AGBL4: variants seen among roughly 807,000 people sequenced by gnomAD.
The protein encoded by AGBL4 is AGBL carboxypeptidase 4.
AGBL4 carries 58 observed loss-of-function variants against 66.4 expected under a neutral mutation model. The ratio of observed to expected loss-of-function variants is 0.87; its 90% CI spans 0.71 to 1.09. AGBL4 has a LOEUF of 1.09. Ranked by LOEUF, AGBL4 falls within the 50% of genes least tolerant of loss-of-function variation. The pLI, the probability that AGBL4 is intolerant of heterozygous loss-of-function variation, is 0.00. For synonymous variants in AGBL4, 234 were observed against 222.9 expected, an observed-to-expected ratio of 1.05 and a Z score of -0.44; for missense variants, 579 against 631.0, an observed-to-expected ratio of 0.92 and a Z score of 0.88.
intron 3 of AGBL4, among the ~76,000 whole-genome samples, chr1:49,330,590 C>T (rs1645312211): frequency 6.6e-6 from 1 of 152,106 alleles, no homozygotes. Context: ...ATTAATTAAT[C>T]CTAATGTTCA....
chr1:49,735,723 A>G (rs1039294831), intron 2 of AGBL4, among the ~76,000 whole-genome samples: 12 of 152,110 alleles, frequency 7.9e-5, no homozygotes, highest in Admixed American at 1.3e-4. Flanking sequence ...CCTTGGGCAA[A>G]GTGTTTTAGC....
Position 49,306,740 on chromosome 1 carries a change from T to C in AGBL4, c.283-60876A>G, listed in dbSNP as rs1464938791. Among the ~76,000 whole-genome samples the C allele has an allele frequency of 4.6e-5, 7 of 152,334 alleles. No individual in the cohort carries two copies. In the East Asian group the frequency reaches 1.2e-3, roughly 25 times the overall value. Reference sequence around the variant, plus strand: ...ATGTGTGGGGATAGAGAAGAAATTATGGTAATTTCAATGACAGTGTTATTC... The same window carrying C: ...ATGTGTGGGGATAGAGAAGAAATTACGGTAATTTCAATGACAGTGTTATTC... On this transcript the variant is annotated intron_variant, in intron 3 of 13. Coordinates refer to ENST00000371839, the MANE Select transcript of AGBL4 (RefSeq NM_032785.4).
chr1:48,759,285 CTG>C (rs1427721320), intron 6 of AGBL4: 1 of 1,552,996 alleles, frequency 6.4e-7, no homozygotes, highest in Admixed American at 2.0e-5. Context: ...CCTCAGGTCT[CTG>C]TGTAGGACAA....
chr1:48,566,818 A>G (rs1234235385), intron 11 of AGBL4, among the ~76,000 whole-genome samples: 1 of 152,190 alleles, frequency 6.6e-6, no homozygotes. Context: ...CTGCCAGCCC[A>G]CGCTTGCAAA....
intron 10 of AGBL4, among the ~76,000 whole-genome samples, chr1:48,590,321 G>T (rs1436834838): frequency 6.7e-6 from 1 of 149,926 alleles, no homozygotes; most frequent in Non-Finnish European, 1.5e-5. Flanking sequence ...CAGGAGAATC[G>T]CTTGAACCTG....
At chr1:49,896,131 G>C (rs1329789468) in intron 1 of AGBL4, among the ~76,000 whole-genome samples, 1 of 151,982 alleles carries the variant, frequency 6.6e-6, no homozygotes. Context: ...TGTAAGACAA[G>C]ACAAAGAAAG....
intron 6 of AGBL4, among the ~76,000 whole-genome samples, chr1:48,704,947 C>G (rs1283642605): frequency 6.6e-6 from 1 of 152,174 alleles, no homozygotes; most frequent in Non-Finnish European, 1.5e-5. Flanking sequence ...ACCGGCAGCA[C>G]AGTAGCTCTA....
chr1:48,704,826 T>C (rs1352685137), intron 6 of AGBL4, among the ~76,000 whole-genome samples: 1 of 152,188 alleles, frequency 6.6e-6, no homozygotes, highest in Non-Finnish European at 1.5e-5. Flanking sequence ...TCCTCCAAAA[T>C]AATAATTAAA....
At chr1:49,878,955 C>T (rs1647120389) in intron 1 of AGBL4, among the ~76,000 whole-genome samples, 1 of 101,530 alleles carries the variant, frequency 9.8e-6, no homozygotes, top group Non-Finnish European at 2.0e-5. Context: ...GGTTTAAAGT[C>T]TGTTTTATCA....
chr1:48,857,504 A>G (rs887785512), intron 6 of AGBL4, among the ~76,000 whole-genome samples: 1 of 152,084 alleles, frequency 6.6e-6, no homozygotes, highest in African/African-American at 2.4e-5. Context: ...GGCAGATCAC[A>G]AGGTCAGGAG....
At chr1:49,126,967 T>G (rs1022207961) in intron 4 of AGBL4, among the ~76,000 whole-genome samples, 5 of 152,122 alleles carry the variant, frequency 3.3e-5, no homozygotes, top group African/African-American at 4.8e-5. Flanking sequence ...CCATAGTATA[T>G]CACATTCAAA....
At chr1:49,521,471 G>A (rs1451330118) in intron 3 of AGBL4, among the ~76,000 whole-genome samples, 1 of 151,868 alleles carries the variant, frequency 6.6e-6, no homozygotes, top group East Asian at 1.9e-4. Context: ...CTATAGAACA[G>A]AATAGAGAAC....
chr1:49,071,081 G>A (rs1421869183), intron 4 of AGBL4, among the ~76,000 whole-genome samples: 4 of 151,858 alleles, frequency 2.6e-5, no homozygotes, highest in African/African-American at 9.7e-5. Flanking sequence ...TGTGGGATTG[G>A]TGGTGATATC....
chr1:48,765,172 A>G (rs1007052857), intron 6 of AGBL4, among the ~76,000 whole-genome samples: 2 of 152,258 alleles, frequency 1.3e-5, no homozygotes, highest in African/African-American at 4.8e-5. Context: ...TTATCTGCTT[A>G]AAGATCTTAT....
At chr1:49,679,772 C>G (rs1478419498) in intron 3 of AGBL4, among the ~76,000 whole-genome samples, 1 of 152,040 alleles carries the variant, frequency 6.6e-6, no homozygotes, top group African/African-American at 2.4e-5. Flanking sequence ...AGGTAGCATA[C>G]CATATATACA....
chr1:49,881,627 C>G (rs887633549), intron 1 of AGBL4, among the ~76,000 whole-genome samples: 27 of 151,148 alleles, frequency 1.8e-4, no homozygotes, highest in African/African-American at 5.6e-4. Context: ...TTGCATTTCT[C>G]TGATGGCCAG....
chr1:49,853,084 T>C (rs1646345360), intron 1 of AGBL4, among the ~76,000 whole-genome samples: 1 of 152,048 alleles, frequency 6.6e-6, no homozygotes, highest in Admixed American at 6.6e-5. Flanking sequence ...TGGTATTCAA[T>C]AAAAAATTGT....
intron 3 of AGBL4, among the ~76,000 whole-genome samples, chr1:49,371,815 CTCTGTGTGTGTGTGTGTGTGTG>C (rs1159589587): frequency 8.4e-6 from 1 of 119,536 alleles, no homozygotes; most frequent in Non-Finnish European, 1.7e-5. Context: ...ACTTTTCAAA[CTCTGTGTGTGTGTGTGTGTGTG>C]TGTGTGTGTG....
At chr1:49,271,549 C>T (rs1443449476) in intron 3 of AGBL4, among the ~76,000 whole-genome samples, 2 of 149,736 alleles carry the variant, frequency 1.3e-5, no homozygotes, top group African/African-American at 5.0e-5. Context: ...CACACACACA[C>T]ACACGTACAT....
Sources: gnomAD v4.1 joint callset for allele counts (sites outside exome capture counted in the v4.1 genomes callset) on GRCh38, gnomAD v4.1.1 for gene constraint, MANE v1.5 for transcripts, NCBI Gene and HGNC (gene_info 2026-07-23, HGNC 2026-07-21) for gene names.